Variants in DEPDC5 observed in about 807,000 individuals in gnomAD.
DEPDC5 encodes the protein DEP domain containing 5, GATOR1 subcomplex subunit, also known as GATOR1 complex protein DEPDC5.
Under a neutral mutation model 217.3 loss-of-function variants are expected in DEPDC5, and 73 were observed. The observed-to-expected ratio is 0.34, with a 90% CI of 0.28 to 0.41. The LOEUF (loss-of-function observed/expected upper bound fraction) is 0.41, where lower values mean the gene tolerates loss of function less well. DEPDC5 is among the 10% of genes least tolerant of loss of function. The pLI is 1.00. For missense variants in DEPDC5, 1,675 were observed against 2,070.1 expected, an observed-to-expected ratio of 0.81 and a Z score of 3.70; for synonymous variants, 733 against 756.7, an observed-to-expected ratio of 0.97 and a Z score of 0.51.
chr22:31,877,729 G>T (rs1323905187), intron 37 of DEPDC5, among the ~76,000 whole-genome samples: 2 of 117,722 alleles, frequency 1.7e-5, no homozygotes, highest in African/African-American at 3.3e-5. Context: ...CCAGTCTGGC[G>T]ACAGAGCGAG....
At chr22:31,776,637 C>T (rs1347154289) in intron 7 of DEPDC5, among the ~76,000 whole-genome samples, 2 of 125,900 alleles carry the variant, frequency 1.6e-5, no homozygotes, top group Non-Finnish European at 3.2e-5. Flanking sequence ...AGTGCAATAA[C>T]ACGATCTTGG....
intron 33 of DEPDC5, among the ~76,000 whole-genome samples, chr22:31,862,305 C>T (rs1299383896): frequency 2.0e-5 from 3 of 152,094 alleles, no homozygotes; most frequent in East Asian, 1.9e-4. Flanking sequence ...TGGCTCACGC[C>T]TGTAATCCTA....
chr22:31,859,180 T>C (rs2092423468), intron 32 of DEPDC5: 2 of 135,798 alleles, frequency 1.5e-5, no homozygotes, highest in African/African-American at 5.5e-5. Flanking sequence ...AAGCTTTGCC[T>C]CCTGGGTTCA....
At chr22:31,792,723 T>A (rs778063371) in intron 11 of DEPDC5, 22 bp from the exon 12 acceptor site, 8 of 1,510,616 alleles carry the variant, frequency 5.3e-6, no homozygotes, top group Non-Finnish European at 7.1e-6. Flanking sequence ...CTGAACTACA[T>A]ACTCCGTTTT....
chr22:31,786,704 A>G (rs2085030588), intron 10 of DEPDC5, among the ~76,000 whole-genome samples: 1 of 151,990 alleles, frequency 6.6e-6, no homozygotes, highest in African/African-American at 2.4e-5. Flanking sequence ...TCCTGTGCTC[A>G]AGGGATCCTC....
chr22:31,894,147 C>T (rs2093498581), intron 39 of DEPDC5: 1 of 154,714 alleles, frequency 6.5e-6, no homozygotes, highest in Non-Finnish European at 1.4e-5. Flanking sequence ...TCTTGAGAAT[C>T]ACTGGTTTAG....
intron 36 of DEPDC5, 51 bp from the exon 37 acceptor site, chr22:31,876,106 C>G: frequency 6.4e-7 from 1 of 1,559,224 alleles, no homozygotes; most frequent in East Asian, 2.2e-5. Context: ...GAGGGCTGCC[C>G]CTTCAAGATG....
rs74279064 is a variant in DEPDC5, at chr22:31,815,353, C to G, written c.1666+141C>G. ...TTGCCAGTGCAGTAGGTACAAATCA[C>G]TTTAGCTGTTAGCTATGTATATATT... On this transcript the variant is annotated intron_variant, in intron 21 of 42. Transcript: ENST00000651528. 1,797 of 741,986 alleles carry G rather than the reference C, an allele frequency of 2.4e-3. 49 individuals are homozygous for G. In the East Asian group the frequency reaches 0.036, roughly 15 times the overall value. 46.0% of individuals were successfully genotyped at this position (741,986 alleles called of 1,614,324 possible).
chr22:31,877,789 A>G (rs1422542719), intron 37 of DEPDC5, among the ~76,000 whole-genome samples: 1 of 150,890 alleles, frequency 6.6e-6, no homozygotes, highest in Non-Finnish European at 1.5e-5. Flanking sequence ...AAAAACAGAA[A>G]ACCAGACCAG....
At chr22:31,810,800 A>T in intron 20 of DEPDC5, 159 bp downstream of exon 20, 1 of 1,202,634 alleles carries the variant, frequency 8.3e-7, no homozygotes, top group Non-Finnish European at 1.1e-6. Flanking sequence ...TTTGAGATGG[A>T]GTTTCGCTCT....
Position 31,843,774 on chromosome 22 carries a change from A to C in DEPDC5, c.2763A>C (p.Leu921Phe). 6.2e-7 allele frequency: 1 copy of C among 1,613,498 alleles called. No homozygotes were observed. The highest frequency in any genetic ancestry group is 8.5e-7 in the Non-Finnish European group (1 of 1,179,458). The change falls in exon 29 of 43, where the codon TTA (leucine) becomes TTC (phenylalanine). Residue 921 changes from leucine to phenylalanine, a missense_variant. Around this residue, in one of 11 missense-constraint regions of DEPDC5, gnomAD observed 293 missense variants for 386.1 expected, o/e 0.76. Transcript: ENST00000651528. ...ERLEEYKWNY[L>F]DQYICSAGSE... ...TGGAGGAGTACAAGTGGAATTACTT[A>C]GATCAGTATATCTGTTCTGCCGGCT...
intron 6 of DEPDC5, among the ~76,000 whole-genome samples, chr22:31,767,687 C>T (rs1034578413): frequency 6.6e-6 from 1 of 152,126 alleles, no homozygotes; most frequent in Non-Finnish European, 1.5e-5. Context: ...CCACCTTGGC[C>T]TCCCAAAGTG....
chr22:31,829,103 G>A (rs2090390206), intron 24 of DEPDC5, among the ~76,000 whole-genome samples: 1 of 152,162 alleles, frequency 6.6e-6, no homozygotes. Context: ...TCCCCTTCCT[G>A]ACTGCCTGTC....
intron 33 of DEPDC5, among the ~76,000 whole-genome samples, chr22:31,865,296 A>G (rs1436754405): frequency 6.6e-6 from 1 of 152,192 alleles, no homozygotes; most frequent in Non-Finnish European, 1.5e-5. Flanking sequence ...GTTTGAAATC[A>G]GCCTGGGCAA....
At chr22:31,760,992 T>TTTTTTC (rs1049351246) in intron 4 of DEPDC5, among the ~76,000 whole-genome samples, 1 of 151,892 alleles carries the variant, frequency 6.6e-6, no homozygotes, top group Non-Finnish European at 1.5e-5. Flanking sequence ...GTTTTTTTTT[T>TTTTTTC]TTTTTCTGAG....
intron 7 of DEPDC5, among the ~76,000 whole-genome samples, chr22:31,772,062 G>A (rs1031720011): frequency 4.6e-5 from 7 of 151,904 alleles, no homozygotes; most frequent in African/African-American, 1.5e-4. Context: ...GTCAGACTCT[G>A]GCTAAAATAA....
chr22:31,809,301 G>T (rs1245477339), intron 18 of DEPDC5, among the ~76,000 whole-genome samples: 1 of 152,168 alleles, frequency 6.6e-6, no homozygotes, highest in Non-Finnish European at 1.5e-5. Flanking sequence ...AGAATCTAAA[G>T]ATCTGGTCTT....
At chr22:31,871,960 G>A (rs1188912742) in intron 34 of DEPDC5, among the ~76,000 whole-genome samples, 1 of 152,212 alleles carries the variant, frequency 6.6e-6, no homozygotes, top group Admixed American at 6.5e-5. Context: ...AGAGACTCAG[G>A]CATTAGAAGG....
chr22:31,760,269 T>C (rs138590932), intron 3 of DEPDC5, among the ~76,000 whole-genome samples: 5,536 of 151,670 alleles, frequency 0.037, 116 homozygotes, highest in Non-Finnish European at 0.059. Context: ...GGGGTTTCAC[T>C]GTGTTAGCCA....
Sources: allele counts gnomAD v4.1 joint callset (sites outside exome capture counted in the v4.1 genomes callset), GRCh38; gene constraint gnomAD v4.1.1; regional missense constraint gnomAD v4.1.1; transcripts MANE v1.5; gene names NCBI Gene and HGNC (gene_info 2026-07-23, HGNC 2026-07-21).